The following GLIS3 variants were observed in gnomAD, a reference collection of about 807,000 sequenced individuals.
GLIS3 encodes GLIS family zinc finger 3, also known as zinc finger protein GLIS3.
A neutral mutation model predicts 78.6 loss-of-function variants in GLIS3; 53 were observed. The ratio of observed to expected loss-of-function variants is 0.67; its 90% CI spans 0.54 to 0.85. The LOEUF (loss-of-function observed/expected upper bound fraction) is 0.85. Among genes scored for constraint, GLIS3 ranks in the 40% least tolerant of loss-of-function variants. The pLI, the probability that GLIS3 is intolerant of heterozygous loss-of-function variation, is 0.00. For missense variants in GLIS3, 1,703 were observed against 1,231.1 expected (o/e 1.38, Z -5.74); for synonymous variants, 684 against 509.9 (o/e 1.34, Z -4.60).
intron 2 of GLIS3, among the ~76,000 whole-genome samples, chr9:4,228,227 T>C (rs1237542469): frequency 7.1e-6 from 1 of 141,268 alleles, no homozygotes; most frequent in Admixed American, 7.0e-5. Context: ...AAGAAGAAGA[T>C]GGGAACCGCT....
intron 4 of GLIS3, among the ~76,000 whole-genome samples, chr9:3,949,545 T>C (rs990127507): frequency 1.8e-4 from 27 of 152,178 alleles, no homozygotes; most frequent in Admixed American, 3.9e-4. Context: ...TTATCAAATA[T>C]AGGATCCTGA....
the GLIS3 span, among the ~76,000 whole-genome samples, chr9:4,424,479 A>G: frequency 1.3e-5 from 2 of 152,198 alleles, no homozygotes; most frequent in African/African-American, 4.8e-5. Context: ...TAATCTTTAA[A>G]GGTCTAACGT....
chr9:4,284,534 T>C (rs1827818066), intron 2 of GLIS3, among the ~76,000 whole-genome samples: 1 of 151,928 alleles, frequency 6.6e-6, no homozygotes, highest in Non-Finnish European at 1.5e-5. Flanking sequence ...CTTTCTCCTA[T>C]ACTTATGCTA....
the GLIS3 span, among the ~76,000 whole-genome samples, chr9:4,393,526 T>C: frequency 2.6e-5 from 4 of 152,214 alleles, no homozygotes; most frequent in Non-Finnish European, 5.9e-5. Flanking sequence ...GCCCAAGATC[T>C]AATCCCGTAT....
intron 2 of GLIS3, among the ~76,000 whole-genome samples, chr9:4,132,062 A>C (rs866496628): frequency 1.1e-4 from 16 of 152,034 alleles, no homozygotes; most frequent in South Asian, 8.3e-4. Flanking sequence ...AAAAAAAAAA[A>C]AAACAAAAAA....
intron 4 of GLIS3, among the ~76,000 whole-genome samples, chr9:4,046,301 C>T (rs1265011162): frequency 1.3e-5 from 2 of 152,150 alleles, no homozygotes; most frequent in African/African-American, 4.8e-5. Context: ...ACAGTAAAGG[C>T]AACCCTACCA....
intron 2 of GLIS3, among the ~76,000 whole-genome samples, chr9:4,332,130 G>A (rs1817696450): frequency 6.6e-6 from 1 of 152,190 alleles, no homozygotes; most frequent in Non-Finnish European, 1.5e-5. Context: ...TCTGGTTGAA[G>A]TTCTGCAAAT....
At chr9:4,471,618 A>C in the GLIS3 span, among the ~76,000 whole-genome samples, 2 of 152,236 alleles carry the variant, frequency 1.3e-5, no homozygotes, top group Non-Finnish European at 2.9e-5. Flanking sequence ...AGATGGATTA[A>C]AGACTTTTAA....
intron 5 of GLIS3, among the ~76,000 whole-genome samples, chr9:3,934,403 C>T (rs473639): frequency 0.95 from 143,400 of 151,244 alleles, 68,312 homozygotes; most frequent in East Asian, 1. Context: ...ATGTCATTTT[C>T]TATTTGATTT....
At chr9:3,879,629 C>T (rs767635160) in intron 7 of GLIS3, 34 bp from the exon 8 acceptor site, 10 of 1,612,012 alleles carry the variant, frequency 6.2e-6, no homozygotes, top group Non-Finnish European at 7.6e-6. Context: ...TGAGACCGTG[C>T]CCCAAAGGAA....
chr9:4,274,202 G>A (rs988500122), intron 2 of GLIS3, among the ~76,000 whole-genome samples: 11 of 152,200 alleles, frequency 7.2e-5, no homozygotes, highest in African/African-American at 2.7e-4. Flanking sequence ...TTTCCCTACA[G>A]CAATGCTTCT....
chr9:4,280,368 A>C (rs1827436045), intron 2 of GLIS3, among the ~76,000 whole-genome samples: 1 of 152,202 alleles, frequency 6.6e-6, no homozygotes, highest in Admixed American at 6.5e-5. Flanking sequence ...ACTTTGTATG[A>C]AAATTAACTT....
chr9:3,844,637 C>T (rs1038606732), intron 9 of GLIS3, among the ~76,000 whole-genome samples: 1 of 152,162 alleles, frequency 6.6e-6, no homozygotes. Context: ...ATATTTCTTT[C>T]TCATCAATAA....
chr9:4,074,963 T>C (rs950822794), intron 4 of GLIS3, among the ~76,000 whole-genome samples: 2 of 152,124 alleles, frequency 1.3e-5, no homozygotes, highest in African/African-American at 4.8e-5. Context: ...CAAGGTCACA[T>C]AGTTAGGGAG....
At chr9:4,371,467 C>A in the GLIS3 span, among the ~76,000 whole-genome samples, 3 of 152,184 alleles carry the variant, frequency 2.0e-5, no homozygotes, top group African/African-American at 7.2e-5. Context: ...CTGCAAACTC[C>A]TTTACTCGAA....
chr9:3,863,876 T>C (rs1820398563), intron 8 of GLIS3, among the ~76,000 whole-genome samples: 1 of 152,234 alleles, frequency 6.6e-6, no homozygotes, highest in Non-Finnish European at 1.5e-5. Flanking sequence ...AGCATTGCAG[T>C]GTTTCTCCCC....
At chr9:4,329,654 T>C (rs1453594609) in intron 2 of GLIS3, among the ~76,000 whole-genome samples, 1 of 152,092 alleles carries the variant, frequency 6.6e-6, no homozygotes, top group African/African-American at 2.4e-5. Flanking sequence ...CATTCCAGGA[T>C]GAGAGAGAAA....
the GLIS3 span, among the ~76,000 whole-genome samples, chr9:4,365,820 C>G: frequency 6.6e-6 from 1 of 152,160 alleles, no homozygotes; most frequent in Non-Finnish European, 1.5e-5. Context: ...ATGTCACCAC[C>G]AAGTATTCAT....
rs183237549 is a variant in GLIS3, at chr9:3,851,637, G to A, written c.2473+4372C>T. Among the ~76,000 whole-genome samples, 14 of 152,278 alleles carry A rather than the reference G, an allele frequency of 9.2e-5. No homozygotes were observed. In the East Asian group the frequency reaches 2.5e-3, roughly 27 times the overall value. ...GGAGAGCACACAATGTCTAGGCTCA[G>A]TATCATTTAGTATTACAGCACGATT... On this transcript the variant is annotated intron_variant, in intron 9 of 10. Coordinates refer to ENST00000381971, the MANE Select transcript of GLIS3 (RefSeq NM_001042413.2).
Sources: allele counts gnomAD v4.1 joint callset (sites outside exome capture counted in the v4.1 genomes callset), GRCh38; gene constraint gnomAD v4.1.1; transcripts MANE v1.5; gene names NCBI Gene and HGNC (gene_info 2026-07-23, HGNC 2026-07-21).